The following KDM2A variants were observed in gnomAD, a reference collection of about 807,000 sequenced individuals.
KDM2A encodes lysine-specific demethylase 2A.
Under a neutral mutation model 137.3 loss-of-function variants are expected in KDM2A, and 3 were observed. The observed-to-expected ratio is 0.02, with a 90% CI of 0.01 to 0.06. The LOEUF is 0.06. KDM2A is among the 10% of genes least tolerant of loss of function. KDM2A has a pLI of 1.00. For synonymous variants in KDM2A, 512 were observed against 541.5 expected, an observed-to-expected ratio of 0.95 and a Z score of 0.76; for missense variants, 738 against 1,510.6, an observed-to-expected ratio of 0.49 and a Z score of 8.48.
intron 2 of KDM2A, among the ~76,000 whole-genome samples, chr11:67,154,636 G>C (rs1429477916): frequency 3.3e-5 from 5 of 151,414 alleles, no homozygotes; most frequent in Admixed American, 3.3e-4. Flanking sequence ...ATGGGGTTTT[G>C]CCATGTTGGC....
At chr11:67,199,130 C>T (rs1857557189) in intron 5 of KDM2A, among the ~76,000 whole-genome samples, 1 of 152,124 alleles carries the variant, frequency 6.6e-6, no homozygotes, top group Non-Finnish European at 1.5e-5. Flanking sequence ...GTGCCATGAA[C>T]TGTATCCATA....
intron 15 of KDM2A, among the ~76,000 whole-genome samples, chr11:67,247,075 T>TATTTTA (rs1565424323): frequency 1.6e-5 from 1 of 62,730 alleles, no homozygotes; most frequent in African/African-American, 8.4e-5. Flanking sequence ...ATATATATTT[T>TATTTTA]TTTTTTTTTT....
chr11:67,200,093 G>T (rs1441805888), intron 5 of KDM2A, among the ~76,000 whole-genome samples: 1 of 152,134 alleles, frequency 6.6e-6, no homozygotes, highest in Admixed American at 6.6e-5. Flanking sequence ...AATTTATTAA[G>T]CCCACTGTGG....
chr11:67,230,647 A>T (rs933649244), intron 11 of KDM2A, among the ~76,000 whole-genome samples: 5 of 144,830 alleles, frequency 3.5e-5, no homozygotes, highest in Admixed American at 6.9e-5. Context: ...ACCACAACAT[A>T]AAAAAAAAAA....
rs911320398 is a variant in KDM2A at position 67,257,699 on chromosome 11, C to T, written c.*2644C>T. ...GGGTTTGGTTGTGTTTTTTGTTTTTCGGAGAAATATTGTAAATATATATTT... is the reference window on the plus strand; with the variant it reads ...GGGTTTGGTTGTGTTTTTTGTTTTTTGGAGAAATATTGTAAATATATATTT... On this transcript the variant is annotated 3_prime_UTR_variant, in exon 21 of 21. Coordinates refer to ENST00000529006, the MANE Select transcript of KDM2A (RefSeq NM_012308.3). 2.6e-5 allele frequency: 4 copies of T among 151,918 alleles called. No homozygotes were observed. Among genetic ancestry groups the T allele is most frequent in the East Asian group, 1.9e-4 (1 of 5,198 alleles). 9.4% of individuals were successfully genotyped at this position (151,918 alleles called of 1,614,324 possible).
chr11:67,162,612 G>A (rs1856658378), intron 2 of KDM2A, among the ~76,000 whole-genome samples: 1 of 152,012 alleles, frequency 6.6e-6, no homozygotes, highest in Non-Finnish European at 1.5e-5. Flanking sequence ...CACTATGTTG[G>A]CCAGACTGGT....
chr11:67,120,500 CTTTTA>C (rs1195806343), intron 1 of KDM2A, among the ~76,000 whole-genome samples: 1 of 152,176 alleles, frequency 6.6e-6, no homozygotes, highest in Non-Finnish European at 1.5e-5. Context: ...GCCGGCCGGT[CTTTTA>C]TTTAATTTTT....
At chr11:67,155,622 T>C (rs1294401408) in intron 2 of KDM2A, among the ~76,000 whole-genome samples, 1 of 149,058 alleles carries the variant, frequency 6.7e-6, no homozygotes, top group Non-Finnish European at 1.5e-5. Context: ...TTTTTATTTT[T>C]ATTTATTTTT....
chr11:67,199,734 T>G (rs1000717940), intron 5 of KDM2A, among the ~76,000 whole-genome samples: 16 of 152,238 alleles, frequency 1.1e-4, no homozygotes, highest in African/African-American at 3.9e-4. Flanking sequence ...CATGCTGATA[T>G]AGAAGCTGCA....
At chr11:67,198,744 C>T (rs1857546918) in intron 5 of KDM2A, among the ~76,000 whole-genome samples, 1 of 149,416 alleles carries the variant, frequency 6.7e-6, no homozygotes, top group Non-Finnish European at 1.5e-5. Context: ...TATTATTTGT[C>T]AGTGGTGATC....
In KDM2A at chr11:67,161,188, C is replaced by G. The variant is rs951563545; in HGVS notation, c.43-18891C>G. On this transcript the variant is annotated intron_variant, in intron 2 of 20. Coordinates refer to ENST00000529006, the MANE Select transcript of KDM2A (RefSeq NM_012308.3). ...ACTAACTTGAGAACGCAGTGTGATC[C>G]TGTCTCTATTAAAAATTTTTTTAAA... Among the ~76,000 whole-genome samples the G allele has an allele frequency of 2.6e-5, 4 of 152,132 alleles. No homozygotes were observed. The South Asian group carries it at 8.3e-4, about 32-fold the overall frequency.
intron 5 of KDM2A, among the ~76,000 whole-genome samples, chr11:67,191,695 A>G (rs1408693064): frequency 6.6e-6 from 1 of 152,252 alleles, no homozygotes; most frequent in Non-Finnish European, 1.5e-5. Flanking sequence ...CTACCTTAAC[A>G]TAATAAAAGC....
At chr11:67,153,231 C>T (rs941026209) in intron 2 of KDM2A, among the ~76,000 whole-genome samples, 12 of 152,124 alleles carry the variant, frequency 7.9e-5, no homozygotes, top group Non-Finnish European at 1.2e-4. Context: ...GTGATCGACC[C>T]GCCTCGGCCT....
intron 10 of KDM2A, among the ~76,000 whole-genome samples, chr11:67,223,473 G>C (rs1360204583): frequency 3.3e-5 from 5 of 151,988 alleles, no homozygotes; most frequent in African/African-American, 1.2e-4. Context: ...CATGATCTCA[G>C]CTCATTGCAG....
chr11:67,219,934 C>G (rs1440114590), intron 10 of KDM2A, among the ~76,000 whole-genome samples: 1 of 152,032 alleles, frequency 6.6e-6, no homozygotes, highest in Admixed American at 6.6e-5. Context: ...ATTTCTTTTT[C>G]TTTCCTTTTT....
chr11:67,229,165 T>G (rs969099814), intron 11 of KDM2A, among the ~76,000 whole-genome samples: 1 of 152,304 alleles, frequency 6.6e-6, no homozygotes, highest in Non-Finnish European at 1.5e-5. Context: ...ACCTGAGAGA[T>G]AGGTATTATT....
chr11:67,252,963 G>A, intron 18 of KDM2A, 106 bp downstream of exon 18: 3 of 1,219,570 alleles, frequency 2.5e-6, no homozygotes, highest in South Asian at 3.1e-5. Flanking sequence ...GGCAGTGTAG[G>A]GCAGCAGTCC....
Position 67,250,346 on chromosome 11 carries a change from G to A in KDM2A, c.2316G>A (p.Met772Ile), listed in dbSNP as rs764594022. ...LLRLQATERT[M>I]VREKENNPSG... is the part of the protein sequence containing the mutation. ...GGCTGCAGGCCACAGAGCGCACCAT[G>A]GTACGGGAAAAGGAGAACAATCCCA... The change falls in exon 17 of 21, where the codon ATG becomes ATA. Residue 772 changes from methionine to isoleucine, a missense_variant. Transcript: ENST00000529006. The surrounding 1 kb of genome is among the most constrained non-coding windows in gnomAD (Gnocchi z 7.1). 1 of 1,613,960 alleles carries A rather than the reference G, an allele frequency of 6.2e-7. No homozygotes were observed. Among genetic ancestry groups the A allele is most frequent in the East Asian group, 2.2e-5 (1 of 44,890 alleles).
chr11:67,143,812 T>C (rs1473131383), intron 2 of KDM2A, among the ~76,000 whole-genome samples: 1 of 151,920 alleles, frequency 6.6e-6, no homozygotes, highest in East Asian at 1.9e-4. Flanking sequence ...TCTGTATTTT[T>C]AGTACAGACA....
Sources: allele counts gnomAD v4.1 joint callset (sites outside exome capture counted in the v4.1 genomes callset), GRCh38; gene constraint gnomAD v4.1.1; non-coding constraint Gnocchi (gnomAD v3.1); transcripts MANE v1.5; gene names NCBI Gene and HGNC (gene_info 2026-07-23, HGNC 2026-07-21).